The following POLR2B variants were observed in gnomAD, a reference collection of about 807,000 sequenced individuals.
POLR2B encodes DNA-directed RNA polymerase II subunit RPB2.
Under a neutral mutation model 144.6 loss-of-function variants are expected in POLR2B, and 57 were observed. The observed-to-expected ratio is 0.39, with a 90% confidence interval of 0.32 to 0.49. POLR2B has a LOEUF of 0.49. Among genes scored for constraint, POLR2B ranks in the 20% least tolerant of loss-of-function variants. POLR2B has a pLI of 0.83. For synonymous variants in POLR2B, 442 were observed against 469.8 expected (o/e 0.94, Z 0.77); for missense variants, 595 against 1,467.4 (o/e 0.41, Z 9.71).
At chr4:57,005,148 A>G (rs1183931987) in intron 7 of POLR2B, 98 bp from the exon 8 acceptor site, 3 of 610,064 alleles carry the variant, frequency 4.9e-6, no homozygotes, top group Non-Finnish European at 8.1e-6. Context: ...TATTATGTTC[A>G]TAGGGGTACT....
intron 6 of POLR2B, 79 bp downstream of exon 6, chr4:56,995,488 C>G: frequency 9.8e-7 from 1 of 1,023,558 alleles, no homozygotes; most frequent in South Asian, 2.1e-5. Flanking sequence ...CTTCTTTGTC[C>G]ATAGAAGCTT....
chr4:56,997,061 C>G (rs1011644526), intron 6 of POLR2B, among the ~76,000 whole-genome samples: 2 of 151,872 alleles, frequency 1.3e-5, no homozygotes, highest in African/African-American at 4.8e-5. Context: ...CCACTGCACA[C>G]CAGCGTGGGT....
intron 6 of POLR2B, among the ~76,000 whole-genome samples, chr4:56,997,582 A>T (rs1326495426): frequency 6.6e-6 from 1 of 152,190 alleles, no homozygotes; most frequent in Admixed American, 6.5e-5. Context: ...ATGGGACTTG[A>T]CTTACACTTT....
intron 10 of POLR2B, among the ~76,000 whole-genome samples, chr4:57,008,694 C>A (rs554612423): frequency 2.2e-4 from 33 of 152,328 alleles, no homozygotes; most frequent in African/African-American, 7.7e-4. Context: ...GAGAAAGATA[C>A]TTAGCACAGC....
intron 8 of POLR2B, 36 bp from the exon 9 acceptor site, chr4:57,005,558 AGTGTTT>A: frequency 6.5e-7 from 1 of 1,544,248 alleles, no homozygotes. Context: ...TCCAAAACTA[AGTGTTT>A]TCCCTCTTTC....
chr4:56,982,765 A>G (rs1335140720), intron 1 of POLR2B, among the ~76,000 whole-genome samples: 2 of 152,156 alleles, frequency 1.3e-5, no homozygotes, highest in African/African-American at 4.8e-5. Context: ...GGTATATAAC[A>G]GTGCCATTTC....
intron 24 of POLR2B, 27 bp from the exon 25 acceptor site, chr4:57,030,872 T>C: frequency 7.2e-7 from 1 of 1,379,316 alleles, no homozygotes; most frequent in South Asian, 1.2e-5. Flanking sequence ...ACAATTCTGC[T>C]AATTACCATT....
chr4:56,988,884 G>T (rs1198824937), intron 2 of POLR2B, among the ~76,000 whole-genome samples: 1 of 152,116 alleles, frequency 6.6e-6, no homozygotes, highest in Non-Finnish European at 1.5e-5. Context: ...AAAAGAAGTT[G>T]TTTTCAACAT....
chr4:57,008,667 G>C (rs1723099937), intron 10 of POLR2B, among the ~76,000 whole-genome samples: 1 of 152,222 alleles, frequency 6.6e-6, no homozygotes, highest in South Asian at 2.1e-4. Flanking sequence ...GTGCACTGCT[G>C]CTCTGTGGAA....
At chr4:57,028,036 CT>C (rs1288711461) in intron 23 of POLR2B, among the ~76,000 whole-genome samples, 1 of 152,158 alleles carries the variant, frequency 6.6e-6, no homozygotes, top group Non-Finnish European at 1.5e-5. Context: ...CAAAGACTTA[CT>C]TTTTTCGTTT....
chr4:57,027,157 C>T (rs551998632), intron 23 of POLR2B, among the ~76,000 whole-genome samples: 87 of 151,968 alleles, frequency 5.7e-4, no homozygotes, highest in Non-Finnish European at 1.1e-3. Context: ...TACAGGTGTG[C>T]GCCACCAAGC....
At chr4:57,014,954 C>T (rs1304182651) in intron 13 of POLR2B, among the ~76,000 whole-genome samples, 1 of 152,110 alleles carries the variant, frequency 6.6e-6, no homozygotes, top group Non-Finnish European at 1.5e-5. Flanking sequence ...ACTTACAACA[C>T]ATCTCAGTTC....
intron 7 of POLR2B, among the ~76,000 whole-genome samples, chr4:57,000,706 T>TTG (rs1722825025): frequency 6.6e-6 from 1 of 151,614 alleles, no homozygotes; most frequent in African/African-American, 2.4e-5. Flanking sequence ...CTGTTTTTTT[T>TTG]GGGGGGGAGG....
chr4:57,002,949 A>G (rs1404447609), intron 7 of POLR2B, among the ~76,000 whole-genome samples: 1 of 152,234 alleles, frequency 6.6e-6, no homozygotes, highest in Non-Finnish European at 1.5e-5. Context: ...AGAGTTGTCA[A>G]ATGTTACCCT....
chr4:57,000,856 C>A (rs566659116), intron 7 of POLR2B, among the ~76,000 whole-genome samples: 1 of 151,622 alleles, frequency 6.6e-6, no homozygotes, highest in East Asian at 2.0e-4. Context: ...CCACCACGCC[C>A]AGCTAATTTT....
intron 24 of POLR2B, 113 bp from the exon 25 acceptor site, chr4:57,030,786 C>G (rs967385082): frequency 4.0e-5 from 27 of 669,818 alleles, no homozygotes; most frequent in Non-Finnish European, 7.1e-5. Context: ...GTGTTCTCAG[C>G]TCCACTCATT....
At chr4:57,029,762 A>G (rs1172889124) in intron 23 of POLR2B, among the ~76,000 whole-genome samples, 1 of 152,198 alleles carries the variant, frequency 6.6e-6, no homozygotes, top group Non-Finnish European at 1.5e-5. Context: ...GTTGAATTCT[A>G]GAAAGTTAAA....
intron 13 of POLR2B, among the ~76,000 whole-genome samples, chr4:57,011,988 C>G (rs1723201261): frequency 6.6e-6 from 1 of 152,106 alleles, no homozygotes; most frequent in East Asian, 1.9e-4. Flanking sequence ...AAGGGAATAA[C>G]CATCTGGGAT....
chr4:57,023,133 C>A lies in POLR2B; in HGVS notation c.2516-197C>A. 3.8e-6 allele frequency: 2 copies of A among 526,282 alleles called. No homozygotes were observed. The highest frequency in any genetic ancestry group is 2.9e-5 in the South Asian group (1 of 34,410). 32.6% of individuals were successfully genotyped at this position (526,282 alleles called of 1,614,324 possible). A position where few individuals can be genotyped will look rare whatever the true frequency, so the allele number is the denominator to read the frequency against. On this transcript the variant is annotated intron_variant, in intron 18 of 24. Coordinates refer to ENST00000314595, the MANE Select transcript of POLR2B (RefSeq NM_000938.3). The surrounding 1 kb of genome is among the most constrained non-coding windows in gnomAD (Gnocchi z 4.3). ...CAGTGCTGATTCCAATGTTCTTTTCCTTCATAGACTTTTTTTTTTGTTTTC... is the reference window on the plus strand; with the variant it reads ...CAGTGCTGATTCCAATGTTCTTTTCATTCATAGACTTTTTTTTTTGTTTTC...
Sources: gnomAD v4.1 joint callset for allele counts (sites outside exome capture counted in the v4.1 genomes callset) on GRCh38, gnomAD v4.1.1 for gene constraint, Gnocchi (gnomAD v3.1) non-coding constraint, MANE v1.5 for transcripts, NCBI Gene and HGNC (gene_info 2026-07-23, HGNC 2026-07-21) for gene names.